CLK2: variants seen among roughly 807,000 people sequenced by gnomAD.
CLK2 encodes the protein CDC like kinase 2.
CLK2 carries 12 observed loss-of-function variants against 73.5 expected under a neutral mutation model. The ratio of observed to expected loss-of-function variants is 0.16; its 90% CI spans 0.10 to 0.26. The LOEUF is 0.26. CLK2 is among the 10% of genes least tolerant of loss of function. The probability of loss-of-function intolerance (pLI) is 1.00; values close to 1 mark genes in which losing one functional copy is unlikely to be tolerated. For synonymous variants in CLK2, 232 were observed against 237.9 expected, an observed-to-expected ratio of 0.98 and a Z score of 0.23; for missense variants, 509 against 688.4, an observed-to-expected ratio of 0.74 and a Z score of 2.92.
Position 155,268,535 on chromosome 1 carries a change from G to T in CLK2, c.487+173C>A. The T allele has an allele frequency of 2.6e-6, 2 of 774,142 alleles. No individual in the cohort carries two copies. The highest frequency in any genetic ancestry group is 4.4e-6 in the Non-Finnish European group (2 of 452,144). The allele number at this position is 774,142 out of a possible 1,614,324, so 48.0% of individuals were successfully genotyped here. On this transcript the variant is annotated intron_variant, in intron 4 of 12. Coordinates refer to ENST00000368361, the MANE Select transcript of CLK2 (RefSeq NM_001294338.2). The surrounding 1 kb of genome is among the most constrained non-coding windows in gnomAD (Gnocchi z 5.6). ...GATTCCCACCACCTTTAACCCAGGG[G>T]CCGTGAGAGCTGGGAGTGGACAACA...
intron 3 of CLK2, chr1:155,269,181 C>T (rs1673373953): frequency 1.7e-6 from 1 of 580,240 alleles, no homozygotes; most frequent in South Asian, 2.1e-5. Context: ...GGGAAAAAGG[C>T]AGTTCACAAG....
rs1444666931 is a variant in CLK2 at position 155,268,369 on chromosome 1, A to G, written c.488-10T>C. 5.6e-6 allele frequency: 9 copies of G among 1,613,664 alleles called. No homozygotes were observed. The highest frequency in any genetic ancestry group is 7.6e-6 in the Non-Finnish European group (9 of 1,179,580). Reference sequence around the variant, plus strand: ...GTGCTAACGATTTCATCTGAAATGAAAGAGAGCAGGGTCGGGGAGAGGGAG... The same window carrying G: ...GTGCTAACGATTTCATCTGAAATGAGAGAGAGCAGGGTCGGGGAGAGGGAG... On this transcript the variant is annotated splice_polypyrimidine_tract_variant and intron_variant, in intron 4 of 12. Coordinates refer to ENST00000368361, the MANE Select transcript of CLK2 (RefSeq NM_001294338.2). The surrounding 1 kb of genome is among the most constrained non-coding windows in gnomAD (Gnocchi z 5.6).
intron 3 of CLK2, chr1:155,269,069 A>C: frequency 1.7e-6 from 1 of 573,972 alleles, no homozygotes. Context: ...AATGTCACCC[A>C]CAACCCCATG....
chr1:155,266,671 G>C, intron 7 of CLK2, 58 bp downstream of exon 7: 3 of 1,568,800 alleles, frequency 1.9e-6, no homozygotes, highest in Non-Finnish European at 2.6e-6. Context: ...ACAACCGACA[G>C]AGAGATCCAA....
At chr1:155,270,712 T>G in intron 2 of CLK2, 96 bp downstream of exon 2, 1 of 1,359,852 alleles carries the variant, frequency 7.4e-7, no homozygotes, top group South Asian at 1.3e-5. Context: ...GCCAGCTACT[T>G]AAGGCAATGG....
At chr1:155,263,755 A>G in intron 12 of CLK2, 195 bp downstream of exon 12, 1 of 983,344 alleles carries the variant, frequency 1.0e-6, no homozygotes, top group Non-Finnish European at 1.2e-6. Flanking sequence ...TCTCAAGGTT[A>G]GGCTGTCTAA....
intron 11 of CLK2, 29 bp downstream of exon 11, chr1:155,264,192 G>A (rs747276306): frequency 1.2e-6 from 2 of 1,611,792 alleles, no homozygotes; most frequent in African/African-American, 1.3e-5. Flanking sequence ...AAAAGGAAAA[G>A]AGTTAACTAG....
intron 8 of CLK2, among the ~76,000 whole-genome samples, chr1:155,265,592 A>AATAAATAAATAAATAAATAAATAAATAT (rs3065804): frequency 0.017 from 2,577 of 149,874 alleles, 41 homozygotes; most frequent in African/African-American, 0.024. Context: ...TAAATAAATA[A>AATAAATAAATAAATAAATAAATAAATAT]ATAAATAAAT....
intron 6 of CLK2, 96 bp downstream of exon 6, chr1:155,267,914 C>A: frequency 1.2e-6 from 1 of 814,134 alleles, no homozygotes; most frequent in South Asian, 1.4e-5. Flanking sequence ...ATGAGAAGGT[C>A]TAGGACTCCC....
At chr1:155,266,404 G>A (rs1673234387) in intron 7 of CLK2, among the ~76,000 whole-genome samples, 1 of 152,146 alleles carries the variant, frequency 6.6e-6, no homozygotes. Flanking sequence ...CCTAAGGAGT[G>A]TATTTTTGTC....
intron 8 of CLK2, among the ~76,000 whole-genome samples, chr1:155,265,592 A>AATAAATAAATAAATATATAT (rs3065804): frequency 1.0e-4 from 15 of 149,908 alleles, no homozygotes; most frequent in Non-Finnish European, 1.6e-4. Context: ...TAAATAAATA[A>AATAAATAAATAAATATATAT]ATAAATAAAT....
At position 155,265,885 on chromosome 1, in the gene CLK2, T is replaced by C; in HGVS notation, c.908A>G (p.Tyr303Cys). The C allele has an allele frequency of 6.2e-7, 1 of 1,611,046 alleles. No individual in the cohort carries two copies. The highest frequency in any genetic ancestry group is 8.5e-7 in the Non-Finnish European group (1 of 1,177,160). The change falls in exon 8 of 13, where the codon TAT (tyrosine) becomes TGT (cysteine). Residue 303 changes from tyrosine to cysteine, a missense_variant. Physicochemically the swap from Tyr to Cys is radical, Grantham distance 194. Transcript: ENST00000368361. ...CTTCTCTAGGTTGTAGGTGAGCTCA[T>C]AGTCTGAATTCACAAACAGAATATT... Reference protein sequence around the residue: ...PENILFVNSDYELTYNLEKKR... With the variant: ...PENILFVNSDCELTYNLEKKR...
chr1:155,268,864 GT>G lies in CLK2; in HGVS notation c.400-70del. 2.3e-6 allele frequency: 2 copies of G among 880,166 alleles called. No homozygotes were observed. Among genetic ancestry groups the G allele is most frequent in the Admixed American group, 1.9e-5 (1 of 52,840 alleles). 54.5% of individuals were successfully genotyped at this position (880,166 alleles called of 1,614,324 possible). The stretch of plus-strand genomic sequence containing the variant: ...CGGGGGCCGGAGGGAGGCGGGGTGG[GT>G]GGTAGAGGGGTCACCGGTCACAGGC... On this transcript the variant is annotated intron_variant, in intron 3 of 12. Transcript: ENST00000368361. This position sits in a 1 kb window ranked among gnomAD's most constrained non-coding sequence, Gnocchi z 5.6.
In CLK2 at chr1:155,263,311, G is replaced by C. The variant is rs202231278; in HGVS notation, c.1407C>G (p.Thr469=). The change falls in exon 13 of 13, where the codon ACC becomes ACG. Residue 469 remains threonine (T), a synonymous_variant. Coordinates refer to ENST00000368361, the MANE Select transcript of CLK2 (RefSeq NM_001294338.2). ...MLEYEPAKRL[T]LGEALQHPFF... ...AAGGATGCTGAAGGGCTTCACCCAA[G>C]GTCAGCCGCTTAGCTGGTTCATACT... 51 of 1,614,176 alleles carry C rather than the reference G, an allele frequency of 3.2e-5. No homozygotes were observed. The highest frequency in any genetic ancestry group is 3.3e-5 in the Non-Finnish European group (39 of 1,180,034).
At position 155,265,827 on chromosome 1, in the gene CLK2, C is replaced by G. The variant is rs1234801555; in HGVS notation, c.933+33G>C. The G allele has an allele frequency of 3.6e-6, 5 of 1,400,410 alleles. No homozygotes were observed. In the South Asian group the frequency reaches 4.6e-5, roughly 13 times the overall value. 86.7% of individuals were successfully genotyped at this position (1,400,410 alleles called of 1,614,324 possible). On this transcript the variant is annotated intron_variant, in intron 8 of 12. Transcript: ENST00000368361. ...GGCAAAGTGGTGCAGCTGCCTGCCC[C>G]CAGTAACCAAGGGCAGACCCTATCC...
chr1:155,269,226 C>A (rs1377598191), intron 3 of CLK2: 7 of 594,192 alleles, frequency 1.2e-5, no homozygotes, highest in East Asian at 2.8e-5. Context: ...GCCGCTGGGG[C>A]GGAGAAGCTG....
chr1:155,270,330 C>T (rs1673437738), intron 2 of CLK2, among the ~76,000 whole-genome samples: 1 of 152,170 alleles, frequency 6.6e-6, no homozygotes, highest in African/African-American at 2.4e-5. Context: ...TGAGATCTTG[C>T]CACTGCACTC....
At chr1:155,264,889 A>T in intron 8 of CLK2, 115 bp from the exon 9 acceptor site, 3 of 1,317,072 alleles carry the variant, frequency 2.3e-6, no homozygotes, top group Non-Finnish European at 3.1e-6. Flanking sequence ...GCCTGGCCTT[A>T]CAAGCCCTGG....
At position 155,269,663 on chromosome 1, in the gene CLK2, C is replaced by T. The variant is rs1210374181; in HGVS notation, c.224G>A (p.Gly75Asp). The part of the protein sequence containing the change: ...DRRVYDRRYC[G>D]SYRRNDYSRD... Reference sequence around the variant, plus strand: ...GCTATAATCGTTGCGTCTGTAGCTGCCACAGTATCGCCGGTCATACACCCT... The same window carrying T: ...GCTATAATCGTTGCGTCTGTAGCTGTCACAGTATCGCCGGTCATACACCCT... The change falls in exon 3 of 13, where the codon GGC (glycine) becomes GAC (aspartate). Residue 75 changes from glycine (G) to aspartate (D), a missense_variant. Transcript: ENST00000368361. 2.5e-6 allele frequency: 4 copies of T among 1,614,128 alleles called. No individual in the cohort carries two copies. Among genetic ancestry groups the T allele is most frequent in the Non-Finnish European group, 3.4e-6 (4 of 1,180,052 alleles).
Sources: gnomAD v4.1 joint callset for allele counts (sites outside exome capture counted in the v4.1 genomes callset) on GRCh38, gnomAD v4.1.1 for gene constraint, Gnocchi (gnomAD v3.1) non-coding constraint, MANE v1.5 for transcripts, NCBI Gene and HGNC (gene_info 2026-07-23, HGNC 2026-07-21) for gene names.